The following SV2C variants were observed in gnomAD, a reference collection of about 807,000 sequenced individuals.
SV2C encodes synaptic vesicle glycoprotein 2C.
A neutral mutation model predicts 79.7 loss-of-function variants in SV2C; 49 were observed. That is an observed-to-expected ratio of 0.61 (90% CI 0.49 to 0.78). The LOEUF (loss-of-function observed/expected upper bound fraction) is 0.78. SV2C is among the 30% of genes least tolerant of loss of function. The pLI is 0.00. For synonymous variants in SV2C, 334 were observed against 333.2 expected (o/e 1.00, Z -0.03); for missense variants, 833 against 912.9 (o/e 0.91, Z 1.13).
intron 4 of SV2C, among the ~76,000 whole-genome samples, chr5:76,234,359 A>G (rs763898912): frequency 2.0e-5 from 3 of 152,204 alleles, no homozygotes; most frequent in Non-Finnish European, 4.4e-5. Flanking sequence ...CTAAAGCACG[A>G]TTTATAAATA....
chr5:76,124,406 C>G (rs781585053), intron 1 of SV2C, among the ~76,000 whole-genome samples: 23 of 152,112 alleles, frequency 1.5e-4, no homozygotes, highest in Non-Finnish European at 3.1e-4. Flanking sequence ...AGCATAGTAT[C>G]CTCAAGATTC....
At chr5:76,047,760 T>C in the SV2C span, among the ~76,000 whole-genome samples, 1 of 146,674 alleles carries the variant, frequency 6.8e-6, no homozygotes, top group Non-Finnish European at 1.5e-5. Context: ...ATTCTTTTTT[T>C]CTTTTCTTTT....
intron 4 of SV2C, among the ~76,000 whole-genome samples, chr5:76,228,437 G>T (rs563431760): frequency 5.3e-5 from 8 of 152,206 alleles, no homozygotes; most frequent in Non-Finnish European, 2.9e-5. Flanking sequence ...ACTGTCACAG[G>T]TAGCGGGGCA....
the SV2C span, among the ~76,000 whole-genome samples, chr5:75,961,024 G>A: frequency 6.6e-6 from 1 of 152,006 alleles, no homozygotes; most frequent in Admixed American, 6.6e-5. Context: ...GTGAGCCAAA[G>A]CAAGAATCCA....
At chr5:76,353,594 C>T (rs932622212) in exon 13 of SV2C, 1 of 152,562 alleles carries the variant, frequency 6.6e-6, no homozygotes, top group African/African-American at 2.4e-5. Context: ...AAAAAAAATT[C>T]TGAAAACCTC....
chr5:76,016,940 G>C, the SV2C span, among the ~76,000 whole-genome samples: 2 of 152,194 alleles, frequency 1.3e-5, no homozygotes, highest in African/African-American at 4.8e-5. Context: ...AATGCCACCT[G>C]CGCTGTGCGT....
At chr5:76,005,611 C>A in the SV2C span, among the ~76,000 whole-genome samples, 3 of 152,080 alleles carry the variant, frequency 2.0e-5, no homozygotes, top group Non-Finnish European at 4.4e-5. Flanking sequence ...GTGGCTGTAG[C>A]GGAATAAATT....
intron 2 of SV2C, among the ~76,000 whole-genome samples, chr5:76,159,039 C>A (rs1286159043): frequency 2.0e-5 from 3 of 151,980 alleles, no homozygotes; most frequent in Non-Finnish European, 4.4e-5. Context: ...AAAACAAAAC[C>A]ATGATCATCT....
At chr5:76,153,674 A>T (rs1437012361) in intron 2 of SV2C, among the ~76,000 whole-genome samples, 2 of 152,234 alleles carry the variant, frequency 1.3e-5, no homozygotes, top group East Asian at 3.8e-4. Context: ...TAGTGCTCTC[A>T]GAGGGCAAGG....
chr5:76,043,577 C>T, the SV2C span, among the ~76,000 whole-genome samples: 2 of 152,172 alleles, frequency 1.3e-5, no homozygotes, highest in South Asian at 4.1e-4. Context: ...TAATAATCTC[C>T]CAACCCCATT....
chr5:76,152,532 T>A (rs578116940), intron 2 of SV2C, among the ~76,000 whole-genome samples: 3 of 152,328 alleles, frequency 2.0e-5, no homozygotes, highest in Non-Finnish European at 4.4e-5. Context: ...GAAAACTGTG[T>A]CAGTTACAAG....
chr5:75,861,802 C>G, the SV2C span, among the ~76,000 whole-genome samples: 2 of 152,132 alleles, frequency 1.3e-5, no homozygotes, highest in African/African-American at 4.8e-5. Flanking sequence ...ACAATAGACA[C>G]TGAGGACTAC....
At chr5:75,918,466 A>G in the SV2C span, among the ~76,000 whole-genome samples, 1 of 152,250 alleles carries the variant, frequency 6.6e-6, no homozygotes, top group African/African-American at 2.4e-5. Context: ...TATCTTCGTG[A>G]AAGATGTAGG....
At chr5:75,946,482 T>C in the SV2C span, among the ~76,000 whole-genome samples, 1 of 152,122 alleles carries the variant, frequency 6.6e-6, no homozygotes, top group Admixed American at 6.6e-5. Flanking sequence ...AGCTTTCTAG[T>C]AAATCTTGAA....
At chr5:76,179,097 G>A (rs1263523318) in intron 2 of SV2C, among the ~76,000 whole-genome samples, 1 of 152,160 alleles carries the variant, frequency 6.6e-6, no homozygotes, top group Non-Finnish European at 1.5e-5. Flanking sequence ...GATAAATAAC[G>A]CAAGTTAGAA....
At chr5:76,035,816 T>C in the SV2C span, among the ~76,000 whole-genome samples, 1 of 152,094 alleles carries the variant, frequency 6.6e-6, no homozygotes, top group African/African-American at 2.4e-5. Flanking sequence ...ACTTTCTGTC[T>C]CGTTGATCTG....
At chr5:76,073,505 A>ATGTG in the SV2C span, among the ~76,000 whole-genome samples, 299 of 37,724 alleles carry the variant, frequency 7.9e-3, 1 homozygote, top group African/African-American at 0.053. Context: ...ATGTGTGTGT[A>ATGTG]TATATATATA....
intron 2 of SV2C, chr5:76,173,605 C>T: frequency 6.2e-7 from 1 of 1,600,466 alleles, no homozygotes; most frequent in South Asian, 1.1e-5. Context: ...AGACCTGGCT[C>T]AGAGCTACAA....
chr5:76,223,444 C>G (rs367709118), intron 4 of SV2C, among the ~76,000 whole-genome samples: 6 of 45,790 alleles, frequency 1.3e-4, no homozygotes, highest in Admixed American at 6.2e-4. Context: ...TACATACATA[C>G]ATATATATAT....
Sources: gnomAD v4.1 joint callset for allele counts (sites outside exome capture counted in the v4.1 genomes callset) on GRCh38, gnomAD v4.1.1 for gene constraint, MANE v1.5 for transcripts, NCBI Gene and HGNC (gene_info 2026-07-23, HGNC 2026-07-21) for gene names.